The following TRIP12 variants were observed in gnomAD, a reference collection of about 807,000 sequenced individuals.
TRIP12 encodes the protein E3 ubiquitin-protein ligase TRIP12.
Under a neutral mutation model 244.2 loss-of-function variants are expected in TRIP12, and 25 were observed. The observed-to-expected ratio is 0.10, with a 90% confidence interval of 0.07 to 0.14. The LOEUF (loss-of-function observed/expected upper bound fraction) is 0.14. Ranked by LOEUF, TRIP12 falls within the 10% of genes least tolerant of loss-of-function variation. The pLI, the probability that TRIP12 is intolerant of heterozygous loss-of-function variation, is 1.00. For synonymous variants in TRIP12, 905 were observed against 873.1 expected (o/e 1.04, Z -0.64); for missense variants, 1,677 against 2,486.4 (o/e 0.67, Z 6.92).
At chr2:229,913,729 C>T (rs768057377) in intron 1 of TRIP12, among the ~76,000 whole-genome samples, 5 of 152,182 alleles carry the variant, frequency 3.3e-5, no homozygotes, top group African/African-American at 4.8e-5. Context: ...CACACTACCA[C>T]GTACACCTAC....
intron 1 of TRIP12, chr2:229,894,363 A>C (rs1168706788): frequency 1.3e-5 from 2 of 152,202 alleles, no homozygotes; most frequent in East Asian, 3.8e-4. Flanking sequence ...CTTTGGCAGC[A>C]CATACACTAA....
rs779371955 is a variant in TRIP12, at chr2:229,807,850, C to T, written c.2354G>A (p.Cys785Tyr). The T allele has an allele frequency of 5.6e-6, 9 of 1,613,792 alleles. No individual in the cohort carries two copies. Among genetic ancestry groups the T allele is most frequent in the South Asian group, 1.1e-5 (1 of 91,028 alleles). ...TGCAAAAATGCCTTCTTTTGGTAAA[C>T]ATGGCATAAGTTCACTGAAAACAAA... is the stretch of plus-strand genomic sequence containing the variant. ...LTSLICELMP[C>Y]LPKEGIFAVD... The change falls in exon 17 of 42, where the codon TGT (cysteine) becomes TAT (tyrosine). Residue 785 changes from cysteine to tyrosine, a missense_variant. By Grantham distance (194) the Cys-to-Tyr change is radical (BLOSUM62 -2). This residue lies in a region of TRIP12 where 572 missense variants were observed against 867.8 expected (regional missense o/e 0.66). Coordinates refer to ENST00000675903, the MANE Select transcript of TRIP12 (RefSeq NM_001348323.3).
intron 34 of TRIP12, among the ~76,000 whole-genome samples, chr2:229,784,110 CA>C (rs776291512): frequency 6.5e-4 from 36 of 54,990 alleles, no homozygotes; most frequent in East Asian, 1.1e-3. Flanking sequence ...AACTCCGTCT[CA>C]AAAAAAAAAA....
intron 39 of TRIP12, among the ~76,000 whole-genome samples, chr2:229,770,226 C>T (rs1006611326): frequency 1.3e-5 from 2 of 152,168 alleles, no homozygotes; most frequent in Admixed American, 6.5e-5. Context: ...ACCTCCATCT[C>T]CCAAAGTGCT....
chr2:229,880,331 C>A (rs553398158), intron 1 of TRIP12, among the ~76,000 whole-genome samples: 10 of 152,322 alleles, frequency 6.6e-5, no homozygotes, highest in African/African-American at 2.4e-4. Context: ...GTAACATATT[C>A]AAGCCATGTG....
intron 18 of TRIP12, among the ~76,000 whole-genome samples, chr2:229,804,573 G>C (rs1240927208): frequency 2.6e-5 from 4 of 152,132 alleles, no homozygotes; most frequent in African/African-American, 9.7e-5. Context: ...GTAAGAAACT[G>C]AGTTCTAGAA....
chr2:229,805,394 A>AT (rs1259927319), intron 18 of TRIP12, among the ~76,000 whole-genome samples: 1 of 152,196 alleles, frequency 6.6e-6, no homozygotes, highest in African/African-American at 2.4e-5. Flanking sequence ...AGTTCAGATA[A>AT]TTTTGGCAGG....
intron 1 of TRIP12, among the ~76,000 whole-genome samples, chr2:229,881,780 C>G (rs565443040): frequency 6.6e-6 from 1 of 152,182 alleles, no homozygotes; most frequent in South Asian, 2.1e-4. Context: ...GTATGTATAC[C>G]AAGAAGACTT....
chr2:229,911,933 A>G (rs923304546), intron 1 of TRIP12, among the ~76,000 whole-genome samples: 3 of 152,212 alleles, frequency 2.0e-5, no homozygotes, highest in Admixed American at 2.0e-4. Context: ...TTTTAAACAT[A>G]ATTTCACTGT....
At chr2:229,884,309 T>A (rs2065532127) in intron 1 of TRIP12, among the ~76,000 whole-genome samples, 1 of 145,518 alleles carries the variant, frequency 6.9e-6, no homozygotes, top group Non-Finnish European at 1.5e-5. Context: ...CGATCTCGGC[T>A]CACTGTAACC....
chr2:229,813,806 A>T (rs2047853390), intron 13 of TRIP12, 64 bp downstream of exon 13: 1 of 1,174,568 alleles, frequency 8.5e-7, no homozygotes, highest in South Asian at 3.2e-5. Flanking sequence ...ATAAAATAAA[A>T]TATAAAATTA....
Position 229,836,863 on chromosome 2 carries a change from G to C in TRIP12, c.1255C>G (p.Pro419Ala). 1.3e-6 allele frequency: 2 copies of C among 1,592,152 alleles called. No homozygotes were observed. Among genetic ancestry groups the C allele is most frequent in the South Asian group, 2.3e-5 (2 of 87,712 alleles). Reference sequence around the variant, plus strand: ...ACCAATCTACCTGCAGCTCCTTGGGGAGCTTCATCTGTCCGAGCAGCTGAA... The same window carrying C: ...ACCAATCTACCTGCAGCTCCTTGGGCAGCTTCATCTGTCCGAGCAGCTGAA... ...NSSAARTDEA[P>A]QGAAASSSVA... The change falls in exon 6 of 42, where the codon CCC (proline) becomes GCC (alanine). Residue 419 changes from proline (P) to alanine (A), a missense_variant. By Grantham distance (27) the Pro-to-Ala change is conservative (BLOSUM62 -1). Transcript: ENST00000675903.
chr2:229,824,327 G>A (rs1250048664), intron 8 of TRIP12, among the ~76,000 whole-genome samples: 1 of 152,156 alleles, frequency 6.6e-6, no homozygotes, highest in Non-Finnish European at 1.5e-5. Context: ...CCATACTACT[G>A]TCATTCACAC....
chr2:229,769,102 G>T, intron 40 of TRIP12, 129 bp downstream of exon 40: 1 of 718,160 alleles, frequency 1.4e-6, no homozygotes, highest in East Asian at 2.9e-5. Context: ...TCCATTAACA[G>T]GTAGACACAT....
At chr2:229,849,158 GT>G (rs2058157163) in intron 4 of TRIP12, among the ~76,000 whole-genome samples, 1 of 152,184 alleles carries the variant, frequency 6.6e-6, no homozygotes, top group Non-Finnish European at 1.5e-5. Flanking sequence ...GTGACAATTA[GT>G]AAGGAATGTG....
intron 30 of TRIP12, among the ~76,000 whole-genome samples, chr2:229,790,633 G>A (rs913657779): frequency 6.6e-6 from 1 of 152,080 alleles, no homozygotes; most frequent in African/African-American, 2.4e-5. Flanking sequence ...GGGAAGAGAG[G>A]AAAACTATAG....
At chr2:229,893,619 C>T (rs1367641850) in intron 1 of TRIP12, among the ~76,000 whole-genome samples, 1 of 152,046 alleles carries the variant, frequency 6.6e-6, no homozygotes, top group Non-Finnish European at 1.5e-5. Context: ...ATCTATGTTG[C>T]TGAGTTTTAT....
intron 2 of TRIP12, among the ~76,000 whole-genome samples, chr2:229,878,530 G>T (rs978047860): frequency 2.0e-5 from 3 of 151,316 alleles, no homozygotes; most frequent in Non-Finnish European, 4.4e-5. Flanking sequence ...CCACTAAATA[G>T]TCTGACATCA....
At chr2:229,822,861 T>C (rs560438709) in intron 8 of TRIP12, among the ~76,000 whole-genome samples, 40 of 152,290 alleles carry the variant, frequency 2.6e-4, no homozygotes, top group African/African-American at 9.4e-4. Context: ...CAACAGATGA[T>C]TGGCATCTAT....
Sources: allele counts gnomAD v4.1 joint callset (sites outside exome capture counted in the v4.1 genomes callset), GRCh38; gene constraint gnomAD v4.1.1; regional missense constraint gnomAD v4.1.1; transcripts MANE v1.5; gene names NCBI Gene and HGNC (gene_info 2026-07-23, HGNC 2026-07-21).